VSTM4: variants seen among roughly 807,000 people sequenced by gnomAD.
The protein encoded by VSTM4 is V-set and transmembrane domain containing 4.
VSTM4 carries 20 observed loss-of-function variants against 36.4 expected under a neutral mutation model. That is an observed-to-expected ratio of 0.55 (90% CI 0.39 to 0.80). The LOEUF (loss-of-function observed/expected upper bound fraction) is 0.80, where lower values mean the gene tolerates loss of function less well. VSTM4 is among the 30% of genes least tolerant of loss of function. The pLI is 0.00. For missense variants in VSTM4, 392 were observed against 404.5 expected (o/e 0.97, Z 0.26); for synonymous variants, 182 against 173.9 (o/e 1.05, Z -0.37).
chr10:49,056,659 G>T (rs1177167131), intron 5 of VSTM4, among the ~76,000 whole-genome samples: 1 of 152,192 alleles, frequency 6.6e-6, no homozygotes, highest in African/African-American at 2.4e-5. Flanking sequence ...AAGGGCAGGG[G>T]CTGGAAGCCA....
rs145518924 is a variant in VSTM4 at position 49,036,892 on chromosome 10, T to C, written c.837+10091A>G. On this transcript the variant is annotated intron_variant, in intron 7 of 7. Transcript: ENST00000332853. ...ACAAGGATGAATGAACTACTTCCTT[T>C]CTGTCCATTTTGAGCATTCTAATCT... 2.0e-4 allele frequency among the ~76,000 whole-genome samples: 30 copies of C among 152,302 alleles called. No homozygotes were observed. In the East Asian group the frequency reaches 4.6e-3, roughly 24 times the overall value.
intron 3 of VSTM4, among the ~76,000 whole-genome samples, chr10:49,084,257 A>C (rs1394823794): frequency 2.0e-5 from 3 of 152,228 alleles, no homozygotes; most frequent in Non-Finnish European, 4.4e-5. Flanking sequence ...GGATTATTTT[A>C]CTAGGAGGCA....
At chr10:49,022,085 T>G (rs1843189580) in intron 7 of VSTM4, among the ~76,000 whole-genome samples, 1 of 152,018 alleles carries the variant, frequency 6.6e-6, no homozygotes, top group Admixed American at 6.6e-5. Flanking sequence ...TGTTGTTACC[T>G]TTTGGATTTT....
At chr10:49,089,277 A>G (rs1281016027) in intron 2 of VSTM4, among the ~76,000 whole-genome samples, 1 of 152,182 alleles carries the variant, frequency 6.6e-6, no homozygotes, top group Non-Finnish European at 1.5e-5. Context: ...GTCTAAGTAC[A>G]GGGACTTTCA....
intron 6 of VSTM4, 96 bp from the exon 7 acceptor site, chr10:49,047,140 A>C: frequency 6.4e-6 from 8 of 1,257,208 alleles, no homozygotes; most frequent in Non-Finnish European, 9.3e-6. Context: ...GAGAGGTCTC[A>C]TACCCCTTCC....
At chr10:49,103,921 G>T in intron 2 of VSTM4, 5 of 1,439,406 alleles carry the variant, frequency 3.5e-6, no homozygotes, top group East Asian at 4.6e-5. Flanking sequence ...GGCCTGGGGT[G>T]GGGGGCACTC....
chr10:49,101,295 G>T (rs1295076543), intron 2 of VSTM4, among the ~76,000 whole-genome samples: 1 of 151,886 alleles, frequency 6.6e-6, no homozygotes, highest in Non-Finnish European at 1.5e-5. Flanking sequence ...TATAAACAAC[G>T]TGGAAAGAAA....
intron 7 of VSTM4, among the ~76,000 whole-genome samples, chr10:49,022,935 G>A (rs906770575): frequency 1.3e-5 from 2 of 152,136 alleles, no homozygotes; most frequent in Non-Finnish European, 2.9e-5. Context: ...GGCTGGCTTG[G>A]CTGATGTGTT....
At chr10:49,094,027 G>A (rs551104643) in intron 2 of VSTM4, among the ~76,000 whole-genome samples, 2 of 152,298 alleles carry the variant, frequency 1.3e-5, no homozygotes, top group Non-Finnish European at 2.9e-5. Context: ...GATTACAGGC[G>A]TTAGCCACGG....
chr10:49,109,064 A>G (rs1309972328), intron 1 of VSTM4, among the ~76,000 whole-genome samples: 3 of 152,064 alleles, frequency 2.0e-5, no homozygotes, highest in African/African-American at 4.8e-5. Flanking sequence ...TCTTCTCACC[A>G]GGTTCCATGT....
At chr10:49,087,315 TA>T (rs1236981468) in intron 2 of VSTM4, among the ~76,000 whole-genome samples, 1 of 152,262 alleles carries the variant, frequency 6.6e-6, no homozygotes, top group Non-Finnish European at 1.5e-5. Context: ...CATATTATTT[TA>T]ATGTCTATGC....
chr10:49,073,462 C>T (rs1184283745), intron 4 of VSTM4, among the ~76,000 whole-genome samples: 1 of 152,248 alleles, frequency 6.6e-6, no homozygotes, highest in Non-Finnish European at 1.5e-5. Context: ...TGACCACTTA[C>T]ACCCCAGACA....
At chr10:49,036,767 G>T (rs1167249403) in intron 7 of VSTM4, among the ~76,000 whole-genome samples, 1 of 152,240 alleles carries the variant, frequency 6.6e-6, no homozygotes, top group African/African-American at 2.4e-5. Context: ...ACACCCAGCA[G>T]ATGTGGAACA....
chr10:49,069,424 C>T (rs1389047541), intron 4 of VSTM4, among the ~76,000 whole-genome samples: 2 of 152,196 alleles, frequency 1.3e-5, no homozygotes, highest in African/African-American at 4.8e-5. Context: ...ACAGTAAGCA[C>T]CCAGGAGCAT....
intron 2 of VSTM4, chr10:49,102,430 G>A (rs1342887349): frequency 1.0e-6 from 1 of 985,364 alleles, no homozygotes; most frequent in Non-Finnish European, 1.2e-6. Context: ...CACCATGCCT[G>A]GCCAACTCTT....
chr10:49,112,249 C>T (rs995711287), intron 1 of VSTM4, among the ~76,000 whole-genome samples: 15 of 152,228 alleles, frequency 9.9e-5, no homozygotes, highest in African/African-American at 3.1e-4. Flanking sequence ...CAGCAAATCC[C>T]AGTCTCCAAC....
At position 49,104,957 on chromosome 10, in the gene VSTM4, AGAGACAGAGAGACACAGAGG is replaced by A. The variant is rs1231519328; in HGVS notation, c.457+2617_457+2636del. On this transcript the variant is annotated intron_variant, in intron 2 of 7. Transcript: ENST00000332853. ...CAGTGAGAGAAAGACACAGAGGGAG[AGAGACAGAGAGACACAGAGG>A]GAGACAGAGACACAGAGAGACAGAG... 6.7e-5 allele frequency among the ~76,000 whole-genome samples: 10 copies of A among 148,612 alleles called. No individual in the cohort carries two copies. The East Asian group carries it at 1.9e-3, about 28-fold the overall frequency.
At chr10:49,054,943 G>A (rs966008446) in intron 5 of VSTM4, among the ~76,000 whole-genome samples, 3 of 152,038 alleles carry the variant, frequency 2.0e-5, no homozygotes, top group Admixed American at 6.5e-5. Flanking sequence ...GGCCCAGGGC[G>A]ATCTTTGCAC....
chr10:49,086,022 G>T lies in VSTM4; in HGVS notation c.459C>A (p.Val153=). 1 of 1,578,742 alleles carries T rather than the reference G, an allele frequency of 6.3e-7. No individual in the cohort carries two copies. Among genetic ancestry groups the T allele is most frequent in the South Asian group, 1.2e-5 (1 of 83,742 alleles). Residue 153 remains valine, a splice_region_variant and synonymous_variant, in exon 3 of 8, where the codon GTC becomes GTA. Coordinates refer to ENST00000332853, the MANE Select transcript of VSTM4 (RefSeq NM_001031746.5). The part of the protein sequence containing the change: ...SNGSSATEMR[V]ISLKASEESS... Reference sequence around the variant, plus strand: ...ACTCTTCAGAAGCTTTGAGGGAAATGACTGAAAGACAAAAAAGAAACAGCA... The same window carrying T: ...ACTCTTCAGAAGCTTTGAGGGAAATTACTGAAAGACAAAAAAGAAACAGCA...
Sources: allele counts gnomAD v4.1 joint callset (sites outside exome capture counted in the v4.1 genomes callset), GRCh38; gene constraint gnomAD v4.1.1; transcripts MANE v1.5; gene names NCBI Gene and HGNC (gene_info 2026-07-23, HGNC 2026-07-21).